Variants in SGCZ observed in about 807,000 individuals in gnomAD.
The protein encoded by SGCZ is sarcoglycan zeta.
A neutral mutation model predicts 41.3 loss-of-function variants in SGCZ; 40 were observed. That is an observed-to-expected ratio of 0.97 (90% CI 0.75 to 1.26). The LOEUF (loss-of-function observed/expected upper bound fraction) is 1.26. SGCZ is among the 50% of genes most tolerant of loss of function. The probability of loss-of-function intolerance (pLI) is 0.00; values close to 1 mark genes in which losing one functional copy is unlikely to be tolerated. For synonymous variants in SGCZ, 206 were observed against 137.5 expected, an observed-to-expected ratio of 1.50 and a Z score of -3.49; for missense variants, 552 against 369.8, an observed-to-expected ratio of 1.49 and a Z score of -4.04.
At chr8:14,386,178 G>A (rs1056897558) in intron 2 of SGCZ, among the ~76,000 whole-genome samples, 1 of 152,054 alleles carries the variant, frequency 6.6e-6, no homozygotes, top group African/African-American at 2.4e-5. Flanking sequence ...GGAAAGTGAA[G>A]GGAGAACATG....
chr8:14,351,477 T>A (rs1009788807), intron 2 of SGCZ, among the ~76,000 whole-genome samples: 1 of 151,948 alleles, frequency 6.6e-6, no homozygotes, highest in Admixed American at 6.6e-5. Flanking sequence ...ATGTTTACTT[T>A]GTCTGATTGC....
chr8:15,164,779 T>C (rs1331682731), intron 1 of SGCZ, among the ~76,000 whole-genome samples: 3 of 152,098 alleles, frequency 2.0e-5, no homozygotes, highest in Admixed American at 1.3e-4. Context: ...GTGCTTTGCA[T>C]GTCTGTATGG....
At chr8:15,232,687 ATATG>A (rs1206005660) in intron 1 of SGCZ, among the ~76,000 whole-genome samples, 5 of 142,398 alleles carry the variant, frequency 3.5e-5, no homozygotes, top group Non-Finnish European at 6.2e-5. Flanking sequence ...ATATATATAT[ATATG>A]TGTGTATATA....
At chr8:15,113,187 C>T (rs1295320458) in intron 1 of SGCZ, among the ~76,000 whole-genome samples, 1 of 136,276 alleles carries the variant, frequency 7.3e-6, no homozygotes, top group African/African-American at 2.8e-5. Flanking sequence ...CTAGCCTGGG[C>T]AAGAGAGCGA....
At chr8:14,204,547 C>A (rs1379402577) in intron 4 of SGCZ, among the ~76,000 whole-genome samples, 1 of 151,998 alleles carries the variant, frequency 6.6e-6, no homozygotes, top group Non-Finnish European at 1.5e-5. Context: ...GAAGGAACAC[C>A]TTGAGAGCTG....
intron 1 of SGCZ, among the ~76,000 whole-genome samples, chr8:15,140,727 C>T (rs1345236813): frequency 3.3e-5 from 5 of 152,132 alleles, no homozygotes; most frequent in Non-Finnish European, 5.9e-5. Context: ...AGAGAGCTTT[C>T]TTTTTAGTTC....
chr8:14,485,063 C>A (rs1006599773), intron 2 of SGCZ, among the ~76,000 whole-genome samples: 7 of 152,170 alleles, frequency 4.6e-5, no homozygotes. Context: ...AGCAAGAAAG[C>A]AGGAAAGTCA....
At chr8:14,769,970 G>A (rs1800182416) in intron 1 of SGCZ, among the ~76,000 whole-genome samples, 1 of 151,798 alleles carries the variant, frequency 6.6e-6, no homozygotes, top group African/African-American at 2.4e-5. Flanking sequence ...GTACAGTATA[G>A]GCATATACCA....
chr8:14,423,859 C>A (rs1799704003), intron 2 of SGCZ, among the ~76,000 whole-genome samples: 1 of 152,106 alleles, frequency 6.6e-6, no homozygotes, highest in Non-Finnish European at 1.5e-5. Context: ...TCTTTCTCTG[C>A]CACCATTTTT....
intron 1 of SGCZ, among the ~76,000 whole-genome samples, chr8:14,701,582 C>T (rs1298308497): frequency 2.6e-5 from 4 of 152,000 alleles, no homozygotes; most frequent in African/African-American, 9.7e-5. Flanking sequence ...GGTAACTCTA[C>T]AGCATTATGT....
chr8:14,210,460 C>G (rs1024302833), intron 4 of SGCZ, among the ~76,000 whole-genome samples: 10 of 97,330 alleles, frequency 1.0e-4, no homozygotes, highest in Non-Finnish European at 1.7e-4. Flanking sequence ...TATTATGCAA[C>G]TTGAACTTTT....
chr8:15,208,703 T>A (rs1374367048), intron 1 of SGCZ, among the ~76,000 whole-genome samples: 3 of 152,080 alleles, frequency 2.0e-5, no homozygotes, highest in Non-Finnish European at 1.5e-5. Context: ...CTCACATAGC[T>A]ATGACAGTAT....
intron 1 of SGCZ, among the ~76,000 whole-genome samples, chr8:14,761,581 G>T (rs1224404096): frequency 1.3e-5 from 2 of 149,526 alleles, no homozygotes; most frequent in African/African-American, 4.9e-5. Flanking sequence ...GCCCAGACTG[G>T]AGTGCAGCAG....
At chr8:14,713,344 C>T (rs1488403171) in intron 1 of SGCZ, among the ~76,000 whole-genome samples, 1 of 152,092 alleles carries the variant, frequency 6.6e-6, no homozygotes, top group East Asian at 1.9e-4. Flanking sequence ...TACAGTGTTA[C>T]ATAACTATCA....
At chr8:14,198,234 C>A (rs545626148) in intron 4 of SGCZ, among the ~76,000 whole-genome samples, 64 of 152,306 alleles carry the variant, frequency 4.2e-4, no homozygotes, top group African/African-American at 1.4e-3. Context: ...GCTGTCTCTG[C>A]TATCACTCTG....
intron 1 of SGCZ, among the ~76,000 whole-genome samples, chr8:15,216,177 G>GA (rs1025823573): frequency 2.2e-4 from 33 of 148,768 alleles, no homozygotes; most frequent in African/African-American, 7.6e-4. Flanking sequence ...CTCATTTCAA[G>GA]AAAAAAGGAT....
At chr8:14,672,397 T>A (rs1282843042) in intron 1 of SGCZ, among the ~76,000 whole-genome samples, 1 of 152,160 alleles carries the variant, frequency 6.6e-6, no homozygotes, top group African/African-American at 2.4e-5. Flanking sequence ...AGAAACATGA[T>A]TGGGCTTTTA....
At chr8:14,408,020 G>T (rs766817957) in intron 2 of SGCZ, among the ~76,000 whole-genome samples, 1 of 152,120 alleles carries the variant, frequency 6.6e-6, no homozygotes, top group African/African-American at 2.4e-5. Flanking sequence ...TATAAATAAG[G>T]GGGAAGGAAA....
intron 1 of SGCZ, among the ~76,000 whole-genome samples, chr8:15,114,406 T>A (rs1807188975): frequency 6.6e-6 from 1 of 152,194 alleles, no homozygotes; most frequent in Non-Finnish European, 1.5e-5. Flanking sequence ...ATTAGTAATA[T>A]CAGAATTGAA....
Sources: gnomAD v4.1 joint callset for allele counts (sites outside exome capture counted in the v4.1 genomes callset) on GRCh38, gnomAD v4.1.1 for gene constraint, MANE v1.5 for transcripts, NCBI Gene and HGNC (gene_info 2026-07-23, HGNC 2026-07-21) for gene names.